Variants in DYNC2I1 observed in about 807,000 individuals in gnomAD.
The protein encoded by DYNC2I1 is cytoplasmic dynein 2 intermediate chain 1.
Under a neutral mutation model 133.4 loss-of-function variants are expected in DYNC2I1, and 89 were observed. That is an observed-to-expected ratio of 0.67 (90% CI 0.56 to 0.80). DYNC2I1 has a LOEUF of 0.80. DYNC2I1 is among the 30% of genes least tolerant of loss of function. The pLI is 0.00. For synonymous variants in DYNC2I1, 504 were observed against 484.3 expected, an observed-to-expected ratio of 1.04 and a Z score of -0.54; for missense variants, 1,291 against 1,314.5, an observed-to-expected ratio of 0.98 and a Z score of 0.28.
chr7:158,897,398 A>G (rs1250482107), intron 8 of DYNC2I1, among the ~76,000 whole-genome samples: 2 of 152,122 alleles, frequency 1.3e-5, no homozygotes, highest in South Asian at 2.1e-4. Flanking sequence ...TTAGAAGGTT[A>G]TTAATTATTG....
intron 1 of DYNC2I1, among the ~76,000 whole-genome samples, chr7:158,867,946 G>T (rs977429602): frequency 1.3e-5 from 2 of 152,102 alleles, no homozygotes; most frequent in African/African-American, 4.8e-5. Flanking sequence ...GGGCAACATG[G>T]CGGAACTCCA....
intron 23 of DYNC2I1, among the ~76,000 whole-genome samples, chr7:158,938,700 G>A (rs1193554131): frequency 6.6e-6 from 1 of 152,082 alleles, no homozygotes; most frequent in African/African-American, 2.4e-5. Context: ...AGGTTGCAGT[G>A]AGCTGAGATT....
intron 22 of DYNC2I1, 80 bp from the exon 23 acceptor site, chr7:158,934,338 A>C: frequency 1.3e-6 from 2 of 1,543,704 alleles, no homozygotes; most frequent in Non-Finnish European, 8.7e-7. Context: ...ATAAAGTTTA[A>C]ATTGTTTGAG....
rs1432124794 is a variant in DYNC2I1, at chr7:158,918,743, A to G, written c.1795A>G (p.Met599Val). The G allele has an allele frequency of 2.5e-6, 4 of 1,613,624 alleles. No homozygotes were observed. Among genetic ancestry groups the G allele is most frequent in the African/African-American group, 1.3e-5 (1 of 74,928 alleles). Residue 599 changes from methionine (M) to valine (V), a missense_variant, in exon 15 of 25, where the codon ATG (methionine) becomes GTG (valine). Coordinates refer to ENST00000407559, the MANE Select transcript of DYNC2I1 (RefSeq NM_018051.5). ...CSFLRAACQV[M>V]AVLLEEDRLA... ...ACTACTCACTTATGTCTGACAGGTG[A>G]TGGCCGTTTTGCTGGAAGAGGATCG...
At chr7:158,863,060 A>G (rs946826160) in intron 1 of DYNC2I1, among the ~76,000 whole-genome samples, 48 of 143,248 alleles carry the variant, frequency 3.4e-4, no homozygotes, top group African/African-American at 1.2e-3. Flanking sequence ...TGTGAAGAAC[A>G]AAGCACAAAG....
intron 4 of DYNC2I1, among the ~76,000 whole-genome samples, chr7:158,878,766 G>A (rs1843668955): frequency 7.1e-6 from 1 of 140,230 alleles, no homozygotes; most frequent in Non-Finnish European, 1.5e-5. Flanking sequence ...AGGCGAGGAG[G>A]GGAGGCCAGG....
At chr7:158,884,046 AT>A (rs373885374) in intron 5 of DYNC2I1, among the ~76,000 whole-genome samples, 4,200 of 125,476 alleles carry the variant, frequency 0.033, 61 homozygotes, top group Admixed American at 0.067. Flanking sequence ...TTAAAAAACA[AT>A]TTTTTTTTTT....
downstream of DYNC2I1, among the ~76,000 whole-genome samples, chr7:158,951,173 T>G (rs1449686820): frequency 6.6e-6 from 1 of 152,240 alleles, no homozygotes; most frequent in East Asian, 1.9e-4. Context: ...GAATGTGGTT[T>G]TATTCTTGCT....
the DYNC2I1 span, among the ~76,000 whole-genome samples, chr7:158,842,082 G>A: frequency 3.9e-5 from 6 of 152,288 alleles, no homozygotes; most frequent in South Asian, 4.1e-4. Flanking sequence ...AGGCTGGAGC[G>A]CAGTGGCACC....
chr7:158,903,370 G>C (rs941975723), intron 10 of DYNC2I1: 1 of 152,018 alleles, frequency 6.6e-6, no homozygotes, highest in African/African-American at 2.4e-5. Context: ...TGGGCACTGA[G>C]GATAAAATAG....
At chr7:158,911,385 T>A (rs1319248645) in intron 11 of DYNC2I1, among the ~76,000 whole-genome samples, 165 bp from the exon 12 acceptor site, 1 of 152,174 alleles carries the variant, frequency 6.6e-6, no homozygotes, top group African/African-American at 2.4e-5. Context: ...TGTCTACTAC[T>A]CAGTTATTTT....
At chr7:158,881,873 T>C (rs151072836) in intron 5 of DYNC2I1, among the ~76,000 whole-genome samples, 61 of 152,356 alleles carry the variant, frequency 4.0e-4, no homozygotes, top group African/African-American at 1.3e-3. Context: ...AGAACACTCT[T>C]GTACCCATAA....
chr7:158,843,348 C>T, the DYNC2I1 span, among the ~76,000 whole-genome samples: 6 of 152,198 alleles, frequency 3.9e-5, no homozygotes, highest in Non-Finnish European at 8.8e-5. Context: ...GCAACCTCCA[C>T]CTCTCAGGTT....
rs2527191 is a variant in DYNC2I1, at chr7:158,934,813, T to C, written c.2778+264T>C. On this transcript the variant is annotated intron_variant, in intron 23 of 24. Coordinates refer to ENST00000407559, the MANE Select transcript of DYNC2I1 (RefSeq NM_018051.5). ...CTGTGTTGCCTAGGCTTGCCAGTTCTTTTTAGTGATACTCTTTGCCTGTTT... is the reference window on the plus strand; with the variant it reads ...CTGTGTTGCCTAGGCTTGCCAGTTCCTTTTAGTGATACTCTTTGCCTGTTT... Among the ~76,000 whole-genome samples the C allele has an allele frequency of 0.48, 73,655 of 152,072 alleles. 18,439 individuals are homozygous for C. The highest frequency in any genetic ancestry group is 0.54 in the Non-Finnish European group (36,810 of 67,976).
chr7:158,910,536 C>T (rs1345732077), intron 11 of DYNC2I1, among the ~76,000 whole-genome samples: 4 of 122,448 alleles, frequency 3.3e-5, no homozygotes, highest in Non-Finnish European at 5.0e-5. Context: ...GGCTTGTGGG[C>T]GGAGCACGAT....
At chr7:158,865,596 C>G (rs892283346) in intron 1 of DYNC2I1, among the ~76,000 whole-genome samples, 1 of 152,140 alleles carries the variant, frequency 6.6e-6, no homozygotes, top group African/African-American at 2.4e-5. Context: ...AGTGCGTGGG[C>G]TGAATCATGC....
intron 8 of DYNC2I1, among the ~76,000 whole-genome samples, chr7:158,897,011 T>C (rs1186521121): frequency 7.1e-6 from 1 of 141,674 alleles, no homozygotes; most frequent in African/African-American, 2.7e-5. Context: ...TGAGACAGAG[T>C]CTCTCTCTGT....
At chr7:158,840,042 T>C in the DYNC2I1 span, among the ~76,000 whole-genome samples, 1 of 152,128 alleles carries the variant, frequency 6.6e-6, no homozygotes, top group Non-Finnish European at 1.5e-5. Flanking sequence ...CTCAAACTCT[T>C]GGGCTCAAGC....
chr7:158,880,652 C>T (rs1843906297), intron 5 of DYNC2I1, among the ~76,000 whole-genome samples: 1 of 152,072 alleles, frequency 6.6e-6, no homozygotes, highest in Admixed American at 6.6e-5. Flanking sequence ...AACGTTTCAA[C>T]CAGAATTGGT....
Sources: gnomAD v4.1 joint callset for allele counts (sites outside exome capture counted in the v4.1 genomes callset) on GRCh38, gnomAD v4.1.1 for gene constraint, MANE v1.5 for transcripts, NCBI Gene and HGNC (gene_info 2026-07-23, HGNC 2026-07-21) for gene names.